The following LGR5 variants were observed in gnomAD, a reference collection of about 807,000 sequenced individuals.
The protein encoded by LGR5 is leucine-rich repeat-containing G protein-coupled receptor 5.
In LGR5, 54 loss-of-function variants were observed where a neutral mutation model predicts 76.7. That is an observed-to-expected ratio of 0.70 (90% CI 0.57 to 0.88). LGR5 has a LOEUF of 0.88. Among genes scored for constraint, LGR5 ranks in the 40% least tolerant of loss-of-function variants. LGR5 has a pLI of 0.00. For synonymous variants in LGR5, 406 were observed against 421.9 expected, an observed-to-expected ratio of 0.96 and a Z score of 0.46; for missense variants, 1,078 against 1,073.3, an observed-to-expected ratio of 1.00 and a Z score of -0.06.
chr12:71,579,077 A>G, intron 15 of LGR5, 148 bp downstream of exon 15: 1 of 644,980 alleles, frequency 1.6e-6, no homozygotes, highest in Non-Finnish European at 2.4e-6. Flanking sequence ...GAGCATTGTT[A>G]GGACAAGCCC....
intron 4 of LGR5, among the ~76,000 whole-genome samples, chr12:71,550,563 C>T (rs1432740027): frequency 2.6e-5 from 4 of 151,070 alleles, no homozygotes; most frequent in African/African-American, 4.9e-5. Context: ...TGGGTTCAAG[C>T]GATTCTCCTG....
At chr12:71,469,789 T>G (rs1394216956) in intron 1 of LGR5, among the ~76,000 whole-genome samples, 1 of 151,324 alleles carries the variant, frequency 6.6e-6, no homozygotes, top group African/African-American at 2.4e-5. Context: ...GAAGGAAGGG[T>G]TTTTACAGAA....
chr12:71,520,715 C>T (rs755901609), intron 2 of LGR5, among the ~76,000 whole-genome samples: 2 of 44,738 alleles, frequency 4.5e-5, no homozygotes, highest in African/African-American at 9.3e-5. Flanking sequence ...CGGGGCCTGT[C>T]GGGGAATGGG....
Position 71,582,501 on chromosome 12 carries a change from T to C in LGR5, c.1598T>C (p.Leu533Pro). The C allele has an allele frequency of 6.2e-7, 1 of 1,614,074 alleles. No individual in the cohort carries two copies. Among genetic ancestry groups the C allele is most frequent in the Non-Finnish European group, 8.5e-7 (1 of 1,179,952 alleles). Residue 533 changes from leucine (L) to proline (P), a missense_variant, in exon 17 of 18, where the codon CTG becomes CCG. By Grantham distance (98) the Leu-to-Pro change is moderately conservative. Transcript: ENST00000266674. ...TTCCTGCTTGACTTTGAGGAAGACCTGAAAGCCCTTCATTCAGTGCAGTGT... is the reference window on the plus strand; with the variant it reads ...TTCCTGCTTGACTTTGAGGAAGACCCGAAAGCCCTTCATTCAGTGCAGTGT... The part of the protein sequence containing the change: ...EDFLLDFEED[L>P]KALHSVQCSP...
chr12:71,531,771 G>A (rs1009585883), intron 3 of LGR5, among the ~76,000 whole-genome samples: 1 of 152,164 alleles, frequency 6.6e-6, no homozygotes, highest in Non-Finnish European at 1.5e-5. Flanking sequence ...AGGAGACTGA[G>A]GCAGGAGAAT....
At chr12:71,582,215 T>C in intron 16 of LGR5, 1 of 437,440 alleles carries the variant, frequency 2.3e-6, no homozygotes, top group Non-Finnish European at 4.2e-6. Context: ...AATGAGAGTT[T>C]AGATGTTACA....
At chr12:71,559,183 T>C (rs894064744) in intron 6 of LGR5, among the ~76,000 whole-genome samples, 2 of 152,144 alleles carry the variant, frequency 1.3e-5, no homozygotes, top group African/African-American at 2.4e-5. Flanking sequence ...AGAAAAGGGA[T>C]GTGATCCAGG....
intron 1 of LGR5, among the ~76,000 whole-genome samples, chr12:71,460,817 A>G (rs1872658364): frequency 6.6e-6 from 1 of 152,028 alleles, no homozygotes; most frequent in South Asian, 2.1e-4. Flanking sequence ...TCCATTTCCT[A>G]TTGTAAAACA....
chr12:71,440,099 G>T lies in LGR5; in HGVS notation c.19G>T (p.Gly7Cys). Residue 7 changes from glycine to cysteine, a missense_variant, in exon 1 of 18, where the codon GGT becomes TGT. Gly to Cys is a radical substitution (Grantham distance 159). Transcript: ENST00000266674. This position sits in a 1 kb window ranked among gnomAD's most constrained non-coding sequence, Gnocchi z 5.3. Reference protein sequence around the residue: MDTSRLGVLLSLPVLLQ... With the variant: MDTSRLCVLLSLPVLLQ... ...GGGCACCATGGACACCTCCCGGCTC[G>T]GTGTGCTCCTGTCCTTGCCTGTGCT... 6.2e-7 allele frequency: 1 copy of T among 1,604,388 alleles called. No homozygotes were observed. The highest frequency in any genetic ancestry group is 2.2e-5 in the East Asian group (1 of 44,834).
chr12:71,572,600 A>T (rs1878663947), intron 12 of LGR5, among the ~76,000 whole-genome samples: 1 of 152,224 alleles, frequency 6.6e-6, no homozygotes, highest in South Asian at 2.1e-4. Context: ...CAGTGTTTTG[A>T]ATGATGATTG....
At chr12:71,568,850 G>A (rs1878470884) in intron 11 of LGR5, among the ~76,000 whole-genome samples, 1 of 152,128 alleles carries the variant, frequency 6.6e-6, no homozygotes, top group Admixed American at 6.6e-5. Flanking sequence ...GACTAGTTTT[G>A]CGTCATGTGC....
intron 4 of LGR5, among the ~76,000 whole-genome samples, chr12:71,548,563 CA>C (rs1286346457): frequency 1.3e-5 from 2 of 151,934 alleles, no homozygotes; most frequent in African/African-American, 4.8e-5. Flanking sequence ...GGTCAAAAGA[CA>C]AAAATACAAA....
Position 71,440,040 on chromosome 12 carries a change from C to T in LGR5, c.-41C>T, listed in dbSNP as rs1407054358. The T allele has an allele frequency of 1.3e-6, 2 of 1,586,300 alleles. No homozygotes were observed. Among genetic ancestry groups the T allele is most frequent in the East Asian group, 4.5e-5 (2 of 44,764 alleles). On this transcript the variant is annotated 5_prime_UTR_variant, in exon 1 of 18. Transcript: ENST00000266674. This position sits in a 1 kb window ranked among gnomAD's most constrained non-coding sequence, Gnocchi z 5.3. The stretch of plus-strand genomic sequence containing the variant: ...CGGCCCGTAGCAGTCCGGTGCTGCT[C>T]TCCGCCCGCGTCCGGCTCGTGGCCC...
chr12:71,449,931 C>T (rs2137206385), intron 1 of LGR5, among the ~76,000 whole-genome samples: 1 of 152,312 alleles, frequency 6.6e-6, no homozygotes, highest in East Asian at 1.9e-4. Flanking sequence ...GAGCATTACC[C>T]TAATTGCCCA....
intron 1 of LGR5, among the ~76,000 whole-genome samples, chr12:71,443,166 T>C (rs897349971): frequency 1.3e-5 from 2 of 152,238 alleles, no homozygotes; most frequent in African/African-American, 2.4e-5. Flanking sequence ...CTGTACACAT[T>C]TGGCAAGTAG....
chr12:71,571,609 C>CA, intron 12 of LGR5, 30 bp downstream of exon 12: 1 of 1,523,462 alleles, frequency 6.6e-7, no homozygotes, highest in Non-Finnish European at 9.1e-7. Context: ...AGTCACCTAG[C>CA]AAAAATCAAG....
chr12:71,580,827 T>C (rs548847232), intron 16 of LGR5, among the ~76,000 whole-genome samples: 52 of 151,990 alleles, frequency 3.4e-4, no homozygotes, highest in Non-Finnish European at 6.8e-4. Flanking sequence ...AAAAAAATTA[T>C]CAAACAGATT....
intron 2 of LGR5, among the ~76,000 whole-genome samples, chr12:71,507,673 A>G (rs1324120107): frequency 2.0e-5 from 3 of 152,188 alleles, no homozygotes; most frequent in African/African-American, 4.8e-5. Context: ...TTTATGCAGT[A>G]TATATTTTAC....
rs1246647950 is a variant in LGR5 at position 71,577,893 on chromosome 12, A to G, written c.1209-32A>G. On this transcript the variant is annotated intron_variant, in intron 13 of 17. Transcript: ENST00000266674. ...AAACTTCACATGTTCTTTATTCTAT[A>G]TAATTCTCTCATTTGCCTTTTTTTA... 6 of 1,394,568 alleles carry G rather than the reference A, an allele frequency of 4.3e-6. No individual in the cohort carries two copies. The African/African-American group carries it at 7.1e-5, about 16-fold the overall frequency. 86.4% of individuals were successfully genotyped at this position (1,394,568 alleles called of 1,614,324 possible). A position where few individuals can be genotyped will look rare whatever the true frequency, so the allele number is the denominator to read the frequency against.
Sources: gnomAD v4.1 joint callset for allele counts (sites outside exome capture counted in the v4.1 genomes callset) on GRCh38, gnomAD v4.1.1 for gene constraint, Gnocchi (gnomAD v3.1) non-coding constraint, MANE v1.5 for transcripts, NCBI Gene and HGNC (gene_info 2026-07-23, HGNC 2026-07-21) for gene names.